SPON1: variants seen among roughly 807,000 people sequenced by gnomAD.
SPON1 encodes spondin 1, also known as spondin-1.
SPON1 carries 52 observed loss-of-function variants against 111.7 expected under a neutral mutation model. That is an observed-to-expected ratio of 0.47 (90% confidence interval 0.37 to 0.59). SPON1 has a LOEUF of 0.59. Among genes scored for constraint, SPON1 ranks in the 20% least tolerant of loss-of-function variants. The pLI, the probability that SPON1 is intolerant of heterozygous loss-of-function variation, is 0.00. For missense variants in SPON1, 957 were observed against 1,068.5 expected, an observed-to-expected ratio of 0.90 and a Z score of 1.46; for synonymous variants, 410 against 395.8, an observed-to-expected ratio of 1.04 and a Z score of -0.43.
At position 14,267,684 on chromosome 11, in the gene SPON1, T is replaced by C. The variant is rs923271381; in HGVS notation, c.*1997T>C. On this transcript the variant is annotated 3_prime_UTR_variant, in exon 16 of 16. Transcript: ENST00000576479. ...AACATGACTCTTGTTGGATTGTTAT[T>C]TTTTGTTTGCAATGGGGAATTTATA... 1 of 152,218 alleles carries C rather than the reference T, an allele frequency of 6.6e-6. No individual in the cohort carries two copies. Among genetic ancestry groups the C allele is most frequent in the South Asian group, 2.1e-4 (1 of 4,832 alleles). The allele number at this position is 152,218 out of a possible 1,614,324, so 9.4% of individuals were successfully genotyped here.
chr11:14,172,194 T>A (rs1314813647), intron 6 of SPON1, among the ~76,000 whole-genome samples: 1 of 152,032 alleles, frequency 6.6e-6, no homozygotes, highest in Non-Finnish European at 1.5e-5. Flanking sequence ...GGTGCATATA[T>A]ATTTAGGAGA....
intron 6 of SPON1, among the ~76,000 whole-genome samples, chr11:14,201,638 TCCTC>T (rs1332718845): frequency 2.0e-5 from 3 of 152,092 alleles, no homozygotes; most frequent in Non-Finnish European, 2.9e-5. Flanking sequence ...GCTCAAGTGA[TCCTC>T]CCTCCTCAGC....
At chr11:14,191,942 C>T (rs1848351192) in intron 6 of SPON1, among the ~76,000 whole-genome samples, 1 of 152,148 alleles carries the variant, frequency 6.6e-6, no homozygotes, top group African/African-American at 2.4e-5. Flanking sequence ...GAAGTTTTTA[C>T]AGCCATGTTT....
chr11:14,003,083 C>T (rs1848332270), intron 2 of SPON1, among the ~76,000 whole-genome samples: 1 of 152,182 alleles, frequency 6.6e-6, no homozygotes, highest in Non-Finnish European at 1.5e-5. Context: ...GTGCACACTC[C>T]ATCATCTTGC....
At chr11:14,204,179 G>T (rs781884529) in intron 6 of SPON1, among the ~76,000 whole-genome samples, 1 of 152,176 alleles carries the variant, frequency 6.6e-6, no homozygotes, top group East Asian at 1.9e-4. Flanking sequence ...CCATGGGCTC[G>T]GGCCAAGGCT....
chr11:14,080,085 A>G, intron 5 of SPON1, 64 bp downstream of exon 5: 1 of 1,595,052 alleles, frequency 6.3e-7, no homozygotes, highest in South Asian at 1.1e-5. Context: ...GTCTGGTTAT[A>G]GGGCACACTA....
chr11:14,255,811 G>T lies in SPON1; in HGVS notation c.1233+24G>T, dbSNP rs781897839. The T allele has an allele frequency of 5.0e-6, 8 of 1,609,174 alleles. No individual in the cohort carries two copies. In the Admixed American group the frequency reaches 1.3e-4, roughly 27 times the overall value. ...AGGTACTGGGTTAGAACCCACTCTG[G>T]CATCGACCTTTCCCGGTAGGAGTGC... On this transcript the variant is annotated intron_variant, in intron 9 of 15. Coordinates refer to ENST00000576479, the MANE Select transcript of SPON1 (RefSeq NM_006108.4).
At chr11:14,220,077 C>T (rs541758871) in intron 6 of SPON1, among the ~76,000 whole-genome samples, 3 of 128,076 alleles carry the variant, frequency 2.3e-5, no homozygotes, top group Middle Eastern at 7.8e-3. Flanking sequence ...ACAGAGTGAG[C>T]ACTTGGATCA....
rs142240289 is a variant in SPON1, at chr11:13,972,826, G to C, written c.238+9684G>C. 5.9e-4 allele frequency among the ~76,000 whole-genome samples: 90 copies of C among 152,260 alleles called. 1 individual carries two copies. Among genetic ancestry groups the C allele is most frequent in the African/African-American group, 2.0e-3 (85 of 41,546 alleles). On this transcript the variant is annotated intron_variant, in intron 1 of 15. Transcript: ENST00000576479. ...TTCCACTGCAAGTGATAGGAACAAA[G>C]TCAACCTAACTAAAGCAGAAAAGGG...
At chr11:14,040,228 G>T (rs1304571774) in intron 2 of SPON1, among the ~76,000 whole-genome samples, 3 of 152,126 alleles carry the variant, frequency 2.0e-5, no homozygotes, top group Non-Finnish European at 4.4e-5. Context: ...TGGAGACAAG[G>T]AACTGGAAGT....
intron 3 of SPON1, among the ~76,000 whole-genome samples, chr11:14,045,020 A>G (rs1045839299): frequency 2.1e-4 from 32 of 152,162 alleles, no homozygotes; most frequent in African/African-American, 7.7e-4. Context: ...TATTGAGCAA[A>G]TTTCCAAGTT....
At chr11:14,201,780 T>C (rs1417366503) in intron 6 of SPON1, among the ~76,000 whole-genome samples, 1 of 152,192 alleles carries the variant, frequency 6.6e-6, no homozygotes, top group Non-Finnish European at 1.5e-5. Context: ...TTATTATTAT[T>C]ACAAGGACAA....
chr11:14,145,763 A>G (rs1245200845), intron 6 of SPON1, among the ~76,000 whole-genome samples: 1 of 152,188 alleles, frequency 6.6e-6, no homozygotes, highest in Non-Finnish European at 1.5e-5. Flanking sequence ...TTTTTAAGAG[A>G]TGGAACAAGC....
chr11:14,135,194 C>G lies in SPON1; in HGVS notation c.677-226C>G, dbSNP rs1847576595. 3 of 445,106 alleles carry G rather than the reference C, an allele frequency of 6.7e-6. No individual in the cohort carries two copies. The highest frequency in any genetic ancestry group is 8.0e-6 in the Non-Finnish European group (2 of 248,938). 27.6% of individuals were successfully genotyped at this position (445,106 alleles called of 1,614,324 possible). A position where few individuals can be genotyped will look rare whatever the true frequency, so the allele number is the denominator to read the frequency against. ...GACAGAACGCATCTCTGGGCTGCCT[C>G]TGCGTCTTGTTCAACATCTGCTGTT... On this transcript the variant is annotated intron_variant, in intron 5 of 15. Coordinates refer to ENST00000576479, the MANE Select transcript of SPON1 (RefSeq NM_006108.4). This position sits in a 1 kb window ranked among gnomAD's most constrained non-coding sequence, Gnocchi z 4.4.
In SPON1 at chr11:14,160,897, T is replaced by TTAAATATTTA. The variant is rs1564919683; in HGVS notation, c.825+25331_825+25332insAATATTTATA. 3.9e-5 allele frequency among the ~76,000 whole-genome samples: 2 copies of TTAAATATTTA among 51,316 alleles called. 1 individual carries two copies. 33.7% of individuals were successfully genotyped at this position (51,316 alleles called of 152,430 possible). ...TATATTTTTATATATTTATATATAT[T>TTAAATATTTA]TATATATTTATATATATATTTATAT... is the stretch of plus-strand genomic sequence containing the variant. On this transcript the variant is annotated intron_variant, in intron 6 of 15. Transcript: ENST00000576479.
At chr11:14,033,458 A>G (rs1848573234) in intron 2 of SPON1, among the ~76,000 whole-genome samples, 1 of 152,184 alleles carries the variant, frequency 6.6e-6, no homozygotes, top group Non-Finnish European at 1.5e-5. Flanking sequence ...GAGGTGACGT[A>G]TCAGGGGAGA....
intron 2 of SPON1, among the ~76,000 whole-genome samples, chr11:14,000,720 T>G (rs1848310754): frequency 6.6e-6 from 1 of 152,008 alleles, no homozygotes; most frequent in Non-Finnish European, 1.5e-5. Context: ...AAGATACATG[T>G]GCATCACATG....
intron 3 of SPON1, among the ~76,000 whole-genome samples, chr11:14,057,988 G>T (rs991555214): frequency 1.3e-5 from 2 of 152,162 alleles, no homozygotes; most frequent in African/African-American, 4.8e-5. Context: ...CTGCACTCCA[G>T]TCTGGGGGAC....
intron 2 of SPON1, among the ~76,000 whole-genome samples, chr11:13,989,076 G>A (rs1848207855): frequency 6.6e-6 from 1 of 152,162 alleles, no homozygotes; most frequent in Admixed American, 6.5e-5. Flanking sequence ...ATGAATTAGG[G>A]AGGATTCCTT....
Sources: gnomAD v4.1 joint callset for allele counts (sites outside exome capture counted in the v4.1 genomes callset) on GRCh38, gnomAD v4.1.1 for gene constraint, Gnocchi (gnomAD v3.1) non-coding constraint, MANE v1.5 for transcripts, NCBI Gene and HGNC (gene_info 2026-07-23, HGNC 2026-07-21) for gene names.